The following BATF variants were observed in gnomAD, a reference collection of about 807,000 sequenced individuals.
BATF encodes the protein basic leucine zipper transcriptional factor ATF-like.
A neutral mutation model predicts 13.7 loss-of-function variants in BATF; 5 were observed. The observed-to-expected ratio is 0.36, with a 90% confidence interval of 0.19 to 0.77. BATF has a LOEUF of 0.77. Among genes scored for constraint, BATF ranks in the 30% least tolerant of loss-of-function variants. The pLI, the probability that BATF is intolerant of heterozygous loss-of-function variation, is 0.51. For missense variants in BATF, 124 were observed against 163.0 expected, an observed-to-expected ratio of 0.76 and a Z score of 1.30; for synonymous variants, 72 against 67.5, an observed-to-expected ratio of 1.07 and a Z score of -0.33.
chr14:75,536,306 G>A (rs1887815783), intron 2 of BATF, among the ~76,000 whole-genome samples: 1 of 152,236 alleles, frequency 6.6e-6, no homozygotes, highest in African/African-American at 2.4e-5. Context: ...GATCTGGGGA[G>A]AGGGTGATCT....
intron 2 of BATF, among the ~76,000 whole-genome samples, chr14:75,534,427 A>G (rs1887789372): frequency 6.6e-6 from 1 of 152,112 alleles, no homozygotes; most frequent in Admixed American, 6.5e-5. Flanking sequence ...GTTGTTGGGG[A>G]TTGTCCTGTG....
intron 2 of BATF, among the ~76,000 whole-genome samples, chr14:75,538,833 G>A (rs757749167): frequency 1.1e-4 from 17 of 152,180 alleles, no homozygotes; most frequent in South Asian, 6.2e-4. Flanking sequence ...CCCGGGAGGC[G>A]GAGCTTGCAA....
chr14:75,527,087 G>C (rs997767906), intron 2 of BATF, among the ~76,000 whole-genome samples: 1 of 152,088 alleles, frequency 6.6e-6, no homozygotes, highest in East Asian at 1.9e-4. Flanking sequence ...CCTCCCTTGG[G>C]CTTGGTTTCC....
rs559089643 is a variant in BATF, at chr14:75,546,598, C to T, written c.305C>T (p.Ser102Leu). The T allele has an allele frequency of 3.1e-6, 5 of 1,613,968 alleles. No individual in the cohort carries two copies. The highest frequency in any genetic ancestry group is 4.2e-6 in the Non-Finnish European group (5 of 1,179,946). The change falls in exon 3 of 3, where the codon TCG becomes TTG. Residue 102 changes from serine to leucine, a missense_variant. Coordinates refer to ENST00000286639, the MANE Select transcript of BATF (RefSeq NM_006399.5). ...TCGGTGCTGGCCGCCAGCACGCCCTCGCCCCCCGAGGTGGTGTACAGCGCC... is the reference window on the plus strand; with the variant it reads ...TCGGTGCTGGCCGCCAGCACGCCCTTGCCCCCCGAGGTGGTGTACAGCGCC... ...LCSVLAASTP[S>L]PPEVVYSAHA... is the part of the protein sequence containing the mutation.
intron 2 of BATF, among the ~76,000 whole-genome samples, chr14:75,526,631 T>C (rs1887658530): frequency 6.6e-6 from 1 of 152,252 alleles, no homozygotes; most frequent in African/African-American, 2.4e-5. Flanking sequence ...CATTGCACAC[T>C]AACATTAAAT....
intron 2 of BATF, among the ~76,000 whole-genome samples, chr14:75,535,844 G>A (rs1419084330): frequency 2.0e-5 from 3 of 152,166 alleles, no homozygotes; most frequent in African/African-American, 7.2e-5. Context: ...GGATTCCTAT[G>A]ACCAAAATGT....
intron 2 of BATF, 127 bp downstream of exon 2, chr14:75,525,315 G>C: frequency 1.0e-6 from 1 of 962,002 alleles, no homozygotes; most frequent in Non-Finnish European, 1.6e-6. Flanking sequence ...GTTAGTGGAG[G>C]GTGAGGGCCG....
rs1887631785 is a variant in BATF at position 75,525,151 on chromosome 14, G to A, written c.131G>A (p.Arg44Gln). The A allele has an allele frequency of 2.5e-6, 4 of 1,613,904 alleles. No individual in the cohort carries two copies. Among genetic ancestry groups the A allele is most frequent in the Non-Finnish European group, 3.4e-6 (4 of 1,179,990 alleles). Residue 44 changes from arginine (R) to glutamine (Q), a missense_variant, in exon 2 of 3, where the codon CGA becomes CAA. Around this residue, in one of 2 missense-constraint regions of BATF, gnomAD observed 65 missense variants for 113.3 expected, o/e 0.57. Coordinates refer to ENST00000286639, the MANE Select transcript of BATF (RefSeq NM_006399.5). ...AATCGTATTGCCGCCCAGAAGAGCC[G>A]ACAGAGGCAGACACAGAAGGCCGAC... The part of the protein sequence containing the change: ...EKNRIAAQKS[R>Q]QRQTQKADTL...
chr14:75,529,956 T>C (rs954627561), intron 2 of BATF, among the ~76,000 whole-genome samples: 10 of 150,746 alleles, frequency 6.6e-5, no homozygotes, highest in Non-Finnish European at 1.2e-4. Flanking sequence ...CCCAGCTACT[T>C]GAGAGGCTGA....
chr14:75,546,063 C>T (rs1393016996), intron 2 of BATF, among the ~76,000 whole-genome samples: 4 of 151,550 alleles, frequency 2.6e-5, no homozygotes, highest in Admixed American at 2.0e-4. Flanking sequence ...GGTTTTGCCA[C>T]GTTGCCCAGG....
At chr14:75,529,713 G>A (rs1255641272) in intron 2 of BATF, among the ~76,000 whole-genome samples, 1 of 152,110 alleles carries the variant, frequency 6.6e-6, no homozygotes, top group African/African-American at 2.4e-5. Flanking sequence ...AAAAAGGTAT[G>A]TTTACTTACT....
chr14:75,541,406 C>T (rs2140041903), intron 2 of BATF, among the ~76,000 whole-genome samples: 2 of 152,308 alleles, frequency 1.3e-5, no homozygotes, highest in Non-Finnish European at 2.9e-5. Context: ...GCTGATGGAG[C>T]TCACCGTGGT....
Position 75,546,459 on chromosome 14 carries a change from C to T in BATF, c.169-3C>T, listed in dbSNP as rs1472321152. On this transcript the variant is annotated splice_polypyrimidine_tract_variant and splice_region_variant and intron_variant, in intron 2 of 2. Transcript: ENST00000286639. ...CCTCCGGTGCTGATCCCCACCCCTA[C>T]AGGAGAGCGAAGACCTGGAGAAACA... The T allele has an allele frequency of 1.2e-6, 2 of 1,614,100 alleles. No homozygotes were observed. Among genetic ancestry groups the T allele is most frequent in the East Asian group, 4.5e-5 (2 of 44,886 alleles).
In BATF at chr14:75,546,854, G is replaced by A. The variant is rs1230940710; in HGVS notation, c.*183G>A. ...CCTCCCAGCAGTGCCGCAGCGTTTC[G>A]AGGGGCGTGTGCTGGACCCCACCAC... On this transcript the variant is annotated 3_prime_UTR_variant, in exon 3 of 3. Transcript: ENST00000286639. The A allele has an allele frequency of 8.2e-6, 7 of 856,150 alleles. No individual in the cohort carries two copies. The highest frequency in any genetic ancestry group is 4.0e-5 in the Admixed American group (2 of 49,868). 53.0% of individuals were successfully genotyped at this position (856,150 alleles called of 1,614,324 possible). A position where few individuals can be genotyped will look rare whatever the true frequency, so the allele number is the denominator to read the frequency against.
chr14:75,529,046 G>A (rs72723620), intron 2 of BATF, among the ~76,000 whole-genome samples: 13,078 of 152,176 alleles, frequency 0.086, 707 homozygotes, highest in Non-Finnish European at 0.13. Flanking sequence ...TAAATTTAAT[G>A]AGATCCCAAT....
At position 75,522,543 on chromosome 14, in the gene BATF, G is replaced by A; in HGVS notation, c.-140G>A. On this transcript the variant is annotated 5_prime_UTR_variant, in exon 1 of 3. Coordinates refer to ENST00000286639, the MANE Select transcript of BATF (RefSeq NM_006399.5). ...TGAGGAGGACGCAGGGGTCAGAGGTGGCTACAGGGCAGGCAGAGGAGGCAC... is the reference window on the plus strand; with the variant it reads ...TGAGGAGGACGCAGGGGTCAGAGGTAGCTACAGGGCAGGCAGAGGAGGCAC... The A allele has an allele frequency of 1.2e-6, 1 of 823,920 alleles. No homozygotes were observed. The highest frequency in any genetic ancestry group is 2.0e-6 in the Non-Finnish European group (1 of 500,386). The allele number at this position is 823,920 out of a possible 1,614,324, so 51.0% of individuals were successfully genotyped here. A position where few individuals can be genotyped will look rare whatever the true frequency, so the allele number is the denominator to read the frequency against.
rs531497691 is a variant in BATF at position 75,538,825 on chromosome 14, C to T, written c.169-7637C>T. Among the ~76,000 whole-genome samples, 20 of 152,268 alleles carry T rather than the reference C, an allele frequency of 1.3e-4. No homozygotes were observed. In the East Asian group the frequency reaches 2.9e-3, roughly 22 times the overall value. On this transcript the variant is annotated intron_variant, in intron 2 of 2. Transcript: ENST00000286639. ...CTGAGGCAGGAGAATGGCATGAACC[C>T]GGGAGGCGGAGCTTGCAATGAGCCG...
chr14:75,523,102 G>A (rs963437743), intron 1 of BATF, among the ~76,000 whole-genome samples: 1 of 151,998 alleles, frequency 6.6e-6, no homozygotes, highest in African/African-American at 2.4e-5. Flanking sequence ...AGAAAAGTGA[G>A]AGGAGTTTTC....
chr14:75,543,052 G>A (rs1887920704), intron 2 of BATF, among the ~76,000 whole-genome samples: 1 of 152,228 alleles, frequency 6.6e-6, no homozygotes, highest in African/African-American at 2.4e-5. Flanking sequence ...GAAACTCTCA[G>A]AGGGGGCGAA....
Sources: gnomAD v4.1 joint callset for allele counts (sites outside exome capture counted in the v4.1 genomes callset) on GRCh38, gnomAD v4.1.1 for gene constraint, gnomAD v4.1.1 regional missense constraint, MANE v1.5 for transcripts, NCBI Gene and HGNC (gene_info 2026-07-23, HGNC 2026-07-21) for gene names.